The following VAV3 variants were observed in gnomAD, a reference collection of about 807,000 sequenced individuals.
VAV3 encodes guanine nucleotide exchange factor VAV3.
A neutral mutation model predicts 131.2 loss-of-function variants in VAV3; 94 were observed. That is an observed-to-expected ratio of 0.72 (90% confidence interval 0.61 to 0.85). The LOEUF (loss-of-function observed/expected upper bound fraction) is 0.85, where lower values mean the gene tolerates loss of function less well. VAV3 is among the 40% of genes least tolerant of loss of function. The probability of loss-of-function intolerance (pLI) is 0.00; values close to 1 mark genes in which losing one functional copy is unlikely to be tolerated. For synonymous variants in VAV3, 349 were observed against 342.0 expected (o/e 1.02, Z -0.22); for missense variants, 939 against 1,002.7 (o/e 0.94, Z 0.86).
intron 2 of VAV3, among the ~76,000 whole-genome samples, chr1:107,807,560 T>G (rs911279969): frequency 6.6e-6 from 1 of 152,232 alleles, no homozygotes; most frequent in Non-Finnish European, 1.5e-5. Flanking sequence ...GCACTTGGCC[T>G]TGTGCAATGT....
At chr1:107,766,243 C>T (rs1664726489) in intron 8 of VAV3, among the ~76,000 whole-genome samples, 1 of 152,160 alleles carries the variant, frequency 6.6e-6, no homozygotes, top group Non-Finnish European at 1.5e-5. Flanking sequence ...CTTCCCCCTC[C>T]TCCTTCTTCT....
intron 1 of VAV3, among the ~76,000 whole-genome samples, chr1:107,962,384 T>C (rs933839595): frequency 1.3e-5 from 2 of 152,228 alleles, no homozygotes; most frequent in African/African-American, 4.8e-5. Flanking sequence ...TCTACAATTG[T>C]TTTAAAATTT....
chr1:107,669,240 T>C, intron 19 of VAV3: 1 of 1,228,568 alleles, frequency 8.1e-7, no homozygotes, highest in Non-Finnish European at 1.0e-6. Flanking sequence ...AAGTAATCCT[T>C]ACTAAGTGTC....
At position 107,874,981 on chromosome 1, in the gene VAV3, C is replaced by T; in HGVS notation, c.241G>A (p.Ala81Thr). ...CLKNIRTFLTACCETFGMRKS... is the reference protein window; with the variant it reads ...CLKNIRTFLTTCCETFGMRKS... ...CTCATTCCAAACGTCTCACAACAGG[C>T]CGTGAGAAATGTCCTTATGTTCTTC... Residue 81 changes from alanine (A) to threonine (T), a missense_variant, in exon 2 of 27, where the codon GCC becomes ACC. Coordinates refer to ENST00000370056, the MANE Select transcript of VAV3 (RefSeq NM_006113.5). The T allele has an allele frequency of 6.2e-7, 1 of 1,613,280 alleles. No homozygotes were observed. The highest frequency in any genetic ancestry group is 8.5e-7 in the Non-Finnish European group (1 of 1,179,496).
At chr1:107,928,364 C>T (rs1673260356) in intron 1 of VAV3, among the ~76,000 whole-genome samples, 1 of 152,208 alleles carries the variant, frequency 6.6e-6, no homozygotes, top group Admixed American at 6.5e-5. Context: ...CAAACATCCA[C>T]AAGCACCAAG....
intron 15 of VAV3, among the ~76,000 whole-genome samples, chr1:107,713,715 G>A (rs530221954): frequency 3.9e-5 from 6 of 152,134 alleles, no homozygotes; most frequent in Non-Finnish European, 2.9e-5. Flanking sequence ...TGTCTTCAAC[G>A]ACATCCTTAT....
intron 20 of VAV3, among the ~76,000 whole-genome samples, chr1:107,634,776 G>GA (rs1248013271): frequency 6.6e-6 from 1 of 151,288 alleles, no homozygotes; most frequent in Non-Finnish European, 1.5e-5. Flanking sequence ...AAATTTACAA[G>GA]AAAAAAACAA....
At chr1:107,891,744 C>G (rs1284669131) in intron 1 of VAV3, among the ~76,000 whole-genome samples, 2 of 147,650 alleles carry the variant, frequency 1.4e-5, no homozygotes, top group African/African-American at 5.0e-5. Context: ...GAGGTTGAGG[C>G]AGGAGAATCG....
At chr1:107,944,599 GTTTT>G (rs1313727603) in intron 1 of VAV3, among the ~76,000 whole-genome samples, 1 of 152,066 alleles carries the variant, frequency 6.6e-6, no homozygotes, top group Non-Finnish European at 1.5e-5. Flanking sequence ...ACAAAACGCA[GTTTT>G]TTGTTTGTTT....
intron 17 of VAV3, among the ~76,000 whole-genome samples, chr1:107,691,767 C>A (rs1329050908): frequency 3.3e-5 from 5 of 152,166 alleles, no homozygotes; most frequent in African/African-American, 1.2e-4. Context: ...CATGTCCCAA[C>A]TGGCTTAATA....
chr1:107,667,641 T>C (rs1052081619), intron 19 of VAV3, among the ~76,000 whole-genome samples: 25 of 151,924 alleles, frequency 1.6e-4, no homozygotes, highest in Non-Finnish European at 3.2e-4. Context: ...AAAACAATCA[T>C]CCTCTATAAA....
chr1:107,843,007 A>G (rs549341843), intron 2 of VAV3, among the ~76,000 whole-genome samples: 1 of 152,018 alleles, frequency 6.6e-6, no homozygotes, highest in Admixed American at 6.5e-5. Context: ...TAGAGAAAAA[A>G]GACAGACAGA....
At chr1:107,926,992 C>G (rs926058848) in intron 1 of VAV3, among the ~76,000 whole-genome samples, 1 of 152,170 alleles carries the variant, frequency 6.6e-6, no homozygotes, top group Admixed American at 6.5e-5. Context: ...TTGTACCACA[C>G]CCCTCCCCTA....
intron 19 of VAV3, among the ~76,000 whole-genome samples, chr1:107,666,763 G>A (rs1277732751): frequency 2.0e-5 from 3 of 152,038 alleles, no homozygotes; most frequent in African/African-American, 7.2e-5. Context: ...TTATGTGCCA[G>A]TCCCTGTTCT....
intron 2 of VAV3, among the ~76,000 whole-genome samples, chr1:107,798,655 G>A (rs1270373507): frequency 6.8e-6 from 1 of 147,220 alleles, no homozygotes; most frequent in Non-Finnish European, 1.5e-5. Context: ...GGAGGCGGAG[G>A]TTGCAGTGAG....
chr1:107,673,225 C>T (rs528562435), intron 19 of VAV3, among the ~76,000 whole-genome samples: 3 of 152,286 alleles, frequency 2.0e-5, no homozygotes, highest in African/African-American at 7.2e-5. Flanking sequence ...TCTTTTCAAC[C>T]AGTCCTAGCT....
chr1:107,720,710 C>G (rs1225772892), intron 15 of VAV3, among the ~76,000 whole-genome samples: 6 of 152,154 alleles, frequency 3.9e-5, no homozygotes, highest in African/African-American at 1.4e-4. Flanking sequence ...TAGTAACATT[C>G]TAGGCCCAGT....
At chr1:107,589,063 T>A (rs1165913286) in intron 25 of VAV3, among the ~76,000 whole-genome samples, 1 of 152,162 alleles carries the variant, frequency 6.6e-6, no homozygotes, top group Non-Finnish European at 1.5e-5. Flanking sequence ...ACTGCCTGAC[T>A]GCTGTAATAA....
At chr1:107,953,783 T>A (rs994869943) in intron 1 of VAV3, among the ~76,000 whole-genome samples, 1 of 151,766 alleles carries the variant, frequency 6.6e-6, no homozygotes, top group African/African-American at 2.4e-5. Context: ...GACCAGCTGT[T>A]ACAGATCTAT....
Sources: allele counts gnomAD v4.1 joint callset (sites outside exome capture counted in the v4.1 genomes callset), GRCh38; gene constraint gnomAD v4.1.1; transcripts MANE v1.5; gene names NCBI Gene and HGNC (gene_info 2026-07-23, HGNC 2026-07-21).